CNBD1: variants seen among roughly 807,000 people sequenced by gnomAD.
The protein encoded by CNBD1 is cyclic nucleotide-binding domain-containing protein 1.
Under a neutral mutation model 54.4 loss-of-function variants are expected in CNBD1, and 71 were observed. That is an observed-to-expected ratio of 1.30 (90% CI 1.08 to 1.59). The LOEUF is 1.59. Among genes scored for constraint, CNBD1 ranks in the 40% most tolerant of loss-of-function variants. CNBD1 has a pLI of 0.00. For missense variants in CNBD1, 659 were observed against 518.0 expected, an observed-to-expected ratio of 1.27 and a Z score of -2.64; for synonymous variants, 182 against 170.7, an observed-to-expected ratio of 1.07 and a Z score of -0.51.
intron 3 of CNBD1, among the ~76,000 whole-genome samples, chr8:86,914,170 G>T (rs1809147294): frequency 6.6e-6 from 1 of 152,116 alleles, no homozygotes. Context: ...AGGGTCCTGA[G>T]GCGACATACA....
intron 2 of CNBD1, among the ~76,000 whole-genome samples, chr8:87,427,690 A>G (rs534944407): frequency 6.6e-6 from 1 of 152,176 alleles, no homozygotes; most frequent in Admixed American, 6.5e-5. Context: ...GTAGTTAAAG[A>G]ATGAGGTTAT....
At chr8:87,272,383 A>C (rs1430890420) in intron 6 of CNBD1, among the ~76,000 whole-genome samples, 1 of 152,012 alleles carries the variant, frequency 6.6e-6, no homozygotes, top group Non-Finnish European at 1.5e-5. Context: ...CACATTGAAA[A>C]ATTTTAAATT....
chr8:87,372,657 T>G (rs1408363090), intron 10 of CNBD1, among the ~76,000 whole-genome samples: 1 of 151,784 alleles, frequency 6.6e-6, no homozygotes, highest in Admixed American at 6.6e-5. Flanking sequence ...ATACTTTATT[T>G]GTCCACAAAT....
rs371894835 is a variant in CNBD1, at chr8:87,216,423, T to A, written c.577+10285T>A. Reference sequence around the variant, plus strand: ...ACACTACACAACTTCAGAAATATAATTTACCTGTGTTTTCCCACTCCCCTC... The same window carrying A: ...ACACTACACAACTTCAGAAATATAAATTACCTGTGTTTTCCCACTCCCCTC... On this transcript the variant is annotated intron_variant, in intron 5 of 10. Transcript: ENST00000518476. Among the ~76,000 whole-genome samples, 14 of 152,274 alleles carry A rather than the reference T, an allele frequency of 9.2e-5. No homozygotes were observed. In the East Asian group the frequency reaches 1.5e-3, roughly 17 times the overall value.
chr8:86,893,256 C>T (rs1028211774), intron 2 of CNBD1, among the ~76,000 whole-genome samples: 5 of 152,158 alleles, frequency 3.3e-5, no homozygotes, highest in Admixed American at 6.5e-5. Flanking sequence ...CGTGTACACT[C>T]TTATAGCCAA....
intron 3 of CNBD1, among the ~76,000 whole-genome samples, chr8:86,937,256 G>A (rs1221967803): frequency 6.6e-6 from 1 of 152,082 alleles, no homozygotes; most frequent in East Asian, 1.9e-4. Context: ...AACAGCATGG[G>A]AAAGACCTGC....
chr8:86,924,450 A>C (rs920563024), intron 3 of CNBD1, among the ~76,000 whole-genome samples: 6 of 152,158 alleles, frequency 3.9e-5, no homozygotes, highest in African/African-American at 1.2e-4. Context: ...AACAAAATCA[A>C]AGATCCGTTA....
intron 4 of CNBD1, among the ~76,000 whole-genome samples, chr8:87,113,128 G>A (rs74959831): frequency 2.3e-4 from 35 of 152,296 alleles, no homozygotes; most frequent in African/African-American, 5.8e-4. Flanking sequence ...GGCAGAGGGT[G>A]GATGCAGGAT....
intron 5 of CNBD1, among the ~76,000 whole-genome samples, chr8:87,227,141 C>T (rs1413016191): frequency 3.3e-5 from 5 of 152,146 alleles, no homozygotes; most frequent in Admixed American, 6.5e-5. Flanking sequence ...TGTCTCTGCA[C>T]ATGAGATGGG....
At chr8:87,299,402 G>T (rs577989867) in intron 8 of CNBD1, among the ~76,000 whole-genome samples, 1 of 152,238 alleles carries the variant, frequency 6.6e-6, no homozygotes, top group Non-Finnish European at 1.5e-5. Context: ...GTTTTAAGAA[G>T]CTTTTATTGC....
chr8:87,346,578 C>T (rs1408378831), intron 8 of CNBD1, among the ~76,000 whole-genome samples: 1 of 151,786 alleles, frequency 6.6e-6, no homozygotes, highest in Non-Finnish European at 1.5e-5. Flanking sequence ...AGAAAGTATA[C>T]ATATATATAC....
chr8:86,873,646 T>C (rs1481480797), intron 1 of CNBD1, among the ~76,000 whole-genome samples: 1 of 151,958 alleles, frequency 6.6e-6, no homozygotes, highest in African/African-American at 2.4e-5. Flanking sequence ...AACAAATCCA[T>C]AAGTAAATAA....
At chr8:86,927,247 AT>A (rs1228349060) in intron 3 of CNBD1, among the ~76,000 whole-genome samples, 1 of 152,110 alleles carries the variant, frequency 6.6e-6, no homozygotes, top group African/African-American at 2.4e-5. Context: ...AGAAAAAACC[AT>A]TTTGTATTTA....
chr8:87,424,099 A>G (rs1807996426), intron 2 of CNBD1, among the ~76,000 whole-genome samples: 1 of 152,038 alleles, frequency 6.6e-6, no homozygotes, highest in Admixed American at 6.5e-5. Flanking sequence ...GGTAGTTTGT[A>G]TTTCTGTGGG....
In CNBD1 at chr8:87,378,759, C is replaced by T. The variant is rs531744170; in HGVS notation, c.1304-3861C>T. 2.0e-5 allele frequency among the ~76,000 whole-genome samples: 3 copies of T among 151,272 alleles called. No individual in the cohort carries two copies. In the East Asian group the frequency reaches 5.8e-4, roughly 29 times the overall value. On this transcript the variant is annotated intron_variant, in intron 10 of 10. Transcript: ENST00000518476. The stretch of plus-strand genomic sequence containing the variant: ...TTACCTTGGGCAGTATGGACATTTT[C>T]ATGATATTGATTCTTCCTACCCATG...
At chr8:87,175,196 G>A (rs917695398) in intron 4 of CNBD1, among the ~76,000 whole-genome samples, 1 of 152,166 alleles carries the variant, frequency 6.6e-6, no homozygotes, top group African/African-American at 2.4e-5. Context: ...CCAAGGCCTT[G>A]AACTGGGGAC....
chr8:87,363,951 T>G (rs554949809), intron 10 of CNBD1, among the ~76,000 whole-genome samples: 1 of 147,688 alleles, frequency 6.8e-6, no homozygotes, highest in Non-Finnish European at 1.5e-5. Context: ...CTGAATGGTA[T>G]TGCCTAGGAA....
At chr8:86,883,808 CA>C (rs1808638138) in intron 1 of CNBD1, among the ~76,000 whole-genome samples, 1 of 151,944 alleles carries the variant, frequency 6.6e-6, no homozygotes, top group Admixed American at 6.6e-5. Context: ...TTATTTTTTC[CA>C]AAAATGCTGG....
chr8:87,208,189 C>G (rs1203996531), intron 5 of CNBD1, among the ~76,000 whole-genome samples: 7 of 152,144 alleles, frequency 4.6e-5, no homozygotes, highest in Non-Finnish European at 1.0e-4. Flanking sequence ...CTTCTGGTCT[C>G]TTTTCTGGCC....
Sources: allele counts gnomAD v4.1 joint callset (sites outside exome capture counted in the v4.1 genomes callset), GRCh38; gene constraint gnomAD v4.1.1; transcripts MANE v1.5; gene names NCBI Gene and HGNC (gene_info 2026-07-23, HGNC 2026-07-21).